DLC1: variants seen among roughly 807,000 people sequenced by gnomAD.
DLC1 encodes the protein DLC1 Rho GTPase activating protein.
In DLC1, 54 loss-of-function variants were observed where a neutral mutation model predicts 140.3. The observed-to-expected ratio is 0.38, with a 90% confidence interval of 0.31 to 0.48. The LOEUF (loss-of-function observed/expected upper bound fraction) is 0.48, where lower values mean the gene tolerates loss of function less well. Ranked by LOEUF, DLC1 falls within the 20% of genes least tolerant of loss-of-function variation. The probability of loss-of-function intolerance (pLI) is 0.96; values close to 1 mark genes in which losing one functional copy is unlikely to be tolerated. For synonymous variants in DLC1, 986 were observed against 728.1 expected (o/e 1.35, Z -5.70); for missense variants, 2,536 against 1,907.0 (o/e 1.33, Z -6.14).
chr8:13,440,951 C>T (rs1003646672), intron 2 of DLC1, among the ~76,000 whole-genome samples: 4 of 152,118 alleles, frequency 2.6e-5, no homozygotes, highest in East Asian at 1.9e-4. Flanking sequence ...AGCATGAAAA[C>T]GGTGCTATTT....
At position 13,100,076 on chromosome 8, in the gene DLC1, C is replaced by T; in HGVS notation, c.2261G>A (p.Ser754Asn). 6.2e-7 allele frequency: 1 copy of T among 1,613,530 alleles called. No individual in the cohort carries two copies. The highest frequency in any genetic ancestry group is 8.5e-7 in the Non-Finnish European group (1 of 1,180,036). ...GGTCCTCGTAACAGGGCTGGGCGTG[C>T]TGACCGCGCTGCTGGTCTCCGACTG... The part of the protein sequence containing the change: ...SSQSETSSAV[S>N]TPSPVTRTRS... The change falls in exon 9 of 18, where the codon AGC becomes AAC. Residue 754 changes from serine (S) to asparagine (N), a missense_variant. Transcript: ENST00000276297.
At chr8:13,144,784 A>G (rs1409133188) in intron 5 of DLC1, among the ~76,000 whole-genome samples, 2 of 152,166 alleles carry the variant, frequency 1.3e-5, no homozygotes, top group Non-Finnish European at 2.9e-5. Context: ...TTAAATAAAA[A>G]TAAATTCTCT....
chr8:13,110,372 G>C (rs923720735), intron 7 of DLC1, among the ~76,000 whole-genome samples: 4 of 152,100 alleles, frequency 2.6e-5, no homozygotes, highest in Non-Finnish European at 4.4e-5. Flanking sequence ...TTCAAATGAT[G>C]CTCCTGTCTT....
At chr8:13,473,549 G>A (rs1056434570) in intron 2 of DLC1, among the ~76,000 whole-genome samples, 1 of 152,176 alleles carries the variant, frequency 6.6e-6, no homozygotes, top group African/African-American at 2.4e-5. Flanking sequence ...GTAACGGGCA[G>A]GGGTTAGAAC....
chr8:13,231,348 T>C (rs960879016), intron 5 of DLC1, among the ~76,000 whole-genome samples: 1 of 152,232 alleles, frequency 6.6e-6, no homozygotes, highest in African/African-American at 2.4e-5. Flanking sequence ...TTGGTCAGGC[T>C]TCTAGATTTC....
At chr8:13,539,639 T>G (rs904800379) in intron 1 of DLC1, among the ~76,000 whole-genome samples, 1 of 152,002 alleles carries the variant, frequency 6.6e-6, no homozygotes, top group African/African-American at 2.4e-5. Flanking sequence ...ATGTCAGGAG[T>G]TGCCCAGGGA....
intron 5 of DLC1, among the ~76,000 whole-genome samples, chr8:13,161,568 C>T (rs772576997): frequency 2.5e-4 from 38 of 152,146 alleles, no homozygotes; most frequent in Non-Finnish European, 1.6e-4. Flanking sequence ...AATTCTTGGC[C>T]TCAAACAACC....
chr8:13,113,415 G>C (rs1460192027), intron 6 of DLC1, among the ~76,000 whole-genome samples: 1 of 152,212 alleles, frequency 6.6e-6, no homozygotes, highest in Admixed American at 6.5e-5. Flanking sequence ...TGCTTCAAAA[G>C]ACTTGGGAAC....
At chr8:13,546,069 T>G (rs1438105756) in intron 1 of DLC1, among the ~76,000 whole-genome samples, 1 of 152,098 alleles carries the variant, frequency 6.6e-6, no homozygotes, top group East Asian at 1.9e-4. Flanking sequence ...TATGCCGTCT[T>G]GGAATTCTTA....
chr8:13,257,332 G>T (rs939843672), intron 5 of DLC1, among the ~76,000 whole-genome samples: 4 of 151,628 alleles, frequency 2.6e-5, no homozygotes, highest in African/African-American at 7.3e-5. Context: ...AGCTACTCAG[G>T]AGGCTGATTT....
Position 13,362,639 on chromosome 8 carries a change from C to G in DLC1, c.1314+30914G>C, listed in dbSNP as rs543163180. 1.8e-4 allele frequency among the ~76,000 whole-genome samples: 27 copies of G among 151,972 alleles called. No individual in the cohort carries two copies. The South Asian group carries it at 4.2e-3, about 23-fold the overall frequency. On this transcript the variant is annotated intron_variant, in intron 4 of 17. Coordinates refer to ENST00000276297, the MANE Select transcript of DLC1 (RefSeq NM_182643.3). ...ATGGATGTTAATCTTGTTACTAAAACAAAACTATAAACAAGGGGGGTGTGG... is the reference window on the plus strand; with the variant it reads ...ATGGATGTTAATCTTGTTACTAAAAGAAAACTATAAACAAGGGGGGTGTGG...
At position 13,084,557 on chromosome 8, in the gene DLC1, A is replaced by G. The variant is rs1235377048; in HGVS notation, c.*1254T>C. 1.3e-5 allele frequency: 2 copies of G among 151,892 alleles called. No individual in the cohort carries two copies. The highest frequency in any genetic ancestry group is 2.9e-5 in the Non-Finnish European group (2 of 67,972). The allele number at this position is 151,892 out of a possible 1,614,324, so 9.4% of individuals were successfully genotyped here. Reference sequence around the variant, plus strand: ...GGTTTTCTTCTTGTTGCGTTTTACTATGATTACTATTTTTCATTACCACTT... The same window carrying G: ...GGTTTTCTTCTTGTTGCGTTTTACTGTGATTACTATTTTTCATTACCACTT... On this transcript the variant is annotated 3_prime_UTR_variant, in exon 18 of 18. Coordinates refer to ENST00000276297, the MANE Select transcript of DLC1 (RefSeq NM_182643.3).
chr8:13,327,746 T>C (rs1369968209), intron 4 of DLC1, among the ~76,000 whole-genome samples: 5 of 152,228 alleles, frequency 3.3e-5, no homozygotes, highest in African/African-American at 7.2e-5. Context: ...TGAACAAAGG[T>C]AGACATTGTC....
intron 1 of DLC1, among the ~76,000 whole-genome samples, chr8:13,577,484 T>C (rs1804884988): frequency 6.6e-6 from 1 of 152,228 alleles, no homozygotes; most frequent in African/African-American, 2.4e-5. Context: ...AGATTTTACG[T>C]ATATCTTGGT....
At chr8:13,204,422 A>G (rs1286708732) in intron 5 of DLC1, among the ~76,000 whole-genome samples, 1 of 152,202 alleles carries the variant, frequency 6.6e-6, no homozygotes, top group Non-Finnish European at 1.5e-5. Context: ...CTTAGACTTT[A>G]AAGTCCGCTT....
At chr8:13,528,263 G>A (rs567673033) in intron 1 of DLC1, among the ~76,000 whole-genome samples, 41 of 152,000 alleles carry the variant, frequency 2.7e-4, no homozygotes, top group African/African-American at 9.4e-4. Context: ...TATCATCTTG[G>A]ATAAAACAAT....
At chr8:13,447,602 T>G (rs943375137) in intron 2 of DLC1, among the ~76,000 whole-genome samples, 3 of 152,188 alleles carry the variant, frequency 2.0e-5, no homozygotes, top group African/African-American at 4.8e-5. Flanking sequence ...ATATTAGGTC[T>G]TTAGTTCTTC....
chr8:13,134,901 T>G (rs1563666035), intron 5 of DLC1, among the ~76,000 whole-genome samples: 1 of 152,192 alleles, frequency 6.6e-6, no homozygotes, highest in Non-Finnish European at 1.5e-5. Flanking sequence ...AACAGATGTT[T>G]CCAGGCTTTT....
intron 5 of DLC1, among the ~76,000 whole-genome samples, chr8:13,202,391 C>T (rs927005896): frequency 8.5e-5 from 13 of 152,160 alleles, no homozygotes; most frequent in African/African-American, 2.7e-4. Flanking sequence ...ACATATCCAT[C>T]ACCTCAAACA....
Sources: allele counts gnomAD v4.1 joint callset (sites outside exome capture counted in the v4.1 genomes callset), GRCh38; gene constraint gnomAD v4.1.1; transcripts MANE v1.5; gene names NCBI Gene and HGNC (gene_info 2026-07-23, HGNC 2026-07-21).